Variants in STK33 observed in about 807,000 individuals in gnomAD.
The protein encoded by STK33 is serine/threonine-protein kinase 33.
A neutral mutation model predicts 58.0 loss-of-function variants in STK33; 52 were observed. That is an observed-to-expected ratio of 0.90 (90% CI 0.72 to 1.13). The LOEUF is 1.13. Ranked by LOEUF, STK33 falls within the 50% of genes most tolerant of loss-of-function variation. STK33 has a pLI of 0.00. For missense variants in STK33, 630 were observed against 604.2 expected, an observed-to-expected ratio of 1.04 and a Z score of -0.45; for synonymous variants, 215 against 200.1, an observed-to-expected ratio of 1.07 and a Z score of -0.63.
chr11:8,423,922 T>C (rs1407774283), intron 14 of STK33, among the ~76,000 whole-genome samples: 1 of 152,072 alleles, frequency 6.6e-6, no homozygotes, highest in African/African-American at 2.4e-5. Flanking sequence ...CTTTTTGAGT[T>C]GAATCTTTAA....
chr11:8,553,473 T>C (rs544688485), intron 1 of STK33, among the ~76,000 whole-genome samples: 2 of 151,840 alleles, frequency 1.3e-5, no homozygotes, highest in African/African-American at 4.8e-5. Flanking sequence ...ATTCTTTAGC[T>C]CCATTATAAT....
intron 1 of STK33, among the ~76,000 whole-genome samples, chr11:8,540,456 T>A (rs1348180854): frequency 3.3e-5 from 5 of 152,018 alleles, no homozygotes; most frequent in African/African-American, 1.2e-4. Context: ...CTAGCCTGGG[T>A]GACAGAGCAA....
intron 1 of STK33, among the ~76,000 whole-genome samples, chr11:8,536,950 T>TTA (rs1170465878): frequency 6.9e-5 from 6 of 86,922 alleles, no homozygotes; most frequent in South Asian, 4.0e-4. Flanking sequence ...CCCAGCTAAT[T>TTA]AAAAAAAAAA....
intron 1 of STK33, among the ~76,000 whole-genome samples, chr11:8,531,478 T>C (rs1954544259): frequency 6.6e-6 from 1 of 152,194 alleles, no homozygotes; most frequent in Non-Finnish European, 1.5e-5. Context: ...GACAGCTGGG[T>C]TGGAGCTCTG....
intron 1 of STK33, chr11:8,554,924 T>G (rs1956626590): frequency 6.6e-6 from 1 of 152,150 alleles, no homozygotes; most frequent in Non-Finnish European, 1.5e-5. Flanking sequence ...TATTCAGCCT[T>G]TTTTAGAAGG....
At chr11:8,406,096 T>C (rs1292539647) in intron 15 of STK33, among the ~76,000 whole-genome samples, 3 of 136,952 alleles carry the variant, frequency 2.2e-5, no homozygotes, top group Non-Finnish European at 4.6e-5. Context: ...TGAGCCGAGA[T>C]CGCGCCACCG....
At chr11:8,482,956 C>G (rs376507073) in intron 1 of STK33, among the ~76,000 whole-genome samples, 1 of 152,164 alleles carries the variant, frequency 6.6e-6, no homozygotes, top group East Asian at 1.9e-4. Context: ...TGGTTTCGAT[C>G]TCCTGACCTC....
Position 8,392,727 on chromosome 11 carries a change from T to C in STK33, c.1345-17A>G, listed in dbSNP as rs1292075325. On this transcript the variant is annotated splice_polypyrimidine_tract_variant and intron_variant, in intron 15 of 15. Transcript: ENST00000687296. ...AGCAGTAGACTGCAAATAAAAGGTC[T>C]TGATTAATTTTCAGACACAAAGCAA... 5 of 1,612,996 alleles carry C rather than the reference T, an allele frequency of 3.1e-6. No homozygotes were observed. The South Asian group carries it at 4.4e-5, about 14-fold the overall frequency.
At chr11:8,585,592 A>G (rs1272992099) in intron 1 of STK33, among the ~76,000 whole-genome samples, 3 of 151,340 alleles carry the variant, frequency 2.0e-5, no homozygotes, top group African/African-American at 7.3e-5. Flanking sequence ...TTAACTACAA[A>G]TTGTGTTTCT....
Position 8,413,660 on chromosome 11 carries a change from A to T in STK33, c.1179T>A (p.Asn393Lys). 1 of 1,613,854 alleles carries T rather than the reference A, an allele frequency of 6.2e-7. No individual in the cohort carries two copies. Among genetic ancestry groups the T allele is most frequent in the Non-Finnish European group, 8.5e-7 (1 of 1,179,910 alleles). Reference protein sequence around the residue: ...GNKLSSVRPTNVLEMMKEWKN... With the variant: ...GNKLSSVRPTKVLEMMKEWKN... The stretch of plus-strand genomic sequence containing the variant: ...TCCATTCCTTCATCATCTCTAATAC[A>T]TTGGTTGGTCTCACCGAAGAAAGTT... The change falls in exon 15 of 16, where the codon AAT (asparagine) becomes AAA (lysine). Residue 393 changes from asparagine to lysine, a missense_variant. Coordinates refer to ENST00000687296, the MANE Select transcript of STK33 (RefSeq NM_001352389.2).
the STK33 span, among the ~76,000 whole-genome samples, chr11:8,377,437 C>A: frequency 6.6e-6 from 1 of 152,126 alleles, no homozygotes; most frequent in African/African-American, 2.4e-5. Flanking sequence ...ATGATAAAAA[C>A]TCTCAACAAA....
intron 11 of STK33, among the ~76,000 whole-genome samples, chr11:8,451,774 T>C (rs1002363233): frequency 2.0e-5 from 3 of 152,222 alleles, no homozygotes; most frequent in African/African-American, 7.2e-5. Flanking sequence ...AAATATCTTT[T>C]ATGGTATTTA....
In STK33 at chr11:8,396,197, G is replaced by A. The variant is rs180813455; in HGVS notation, c.1345-3487C>T. On this transcript the variant is annotated intron_variant, in intron 15 of 15. Coordinates refer to ENST00000687296, the MANE Select transcript of STK33 (RefSeq NM_001352389.2). ...AGGCTCACTGCAACCTCCGCCTCCC[G>A]GGTTCAAGTGATTCTCCTACCTCAG... Among the ~76,000 whole-genome samples the A allele has an allele frequency of 1.6e-4, 25 of 152,190 alleles. No homozygotes were observed. In the East Asian group the frequency reaches 2.5e-3, roughly 15 times the overall value.
intron 15 of STK33, among the ~76,000 whole-genome samples, chr11:8,409,811 C>T (rs1939903449): frequency 6.6e-6 from 1 of 151,750 alleles, no homozygotes; most frequent in African/African-American, 2.4e-5. Flanking sequence ...AAGTACTTAC[C>T]ACGTGACAAG....
intron 6 of STK33, among the ~76,000 whole-genome samples, chr11:8,470,580 C>T (rs7949017): frequency 0.45 from 68,269 of 152,086 alleles, 15,712 homozygotes; most frequent in Non-Finnish European, 0.5. Context: ...AGCTTTCAGC[C>T]TATCTTGGCT....
At chr11:8,506,756 A>G (rs563259809) in intron 1 of STK33, among the ~76,000 whole-genome samples, 40 of 152,220 alleles carry the variant, frequency 2.6e-4, no homozygotes, top group African/African-American at 8.2e-4. Flanking sequence ...GCCTACCACA[A>G]GCTCCTTTAT....
intron 6 of STK33, among the ~76,000 whole-genome samples, chr11:8,471,874 A>G (rs1591337387): frequency 6.6e-6 from 1 of 152,156 alleles, no homozygotes; most frequent in East Asian, 1.9e-4. Flanking sequence ...AATTTTTCAC[A>G]ATGAACATAT....
chr11:8,499,040 A>C lies in STK33; in HGVS notation c.-465-18426T>G, dbSNP rs184835218. ...GGCACGGGCAAAGAATTCATGACTA[A>C]AACACCAAAAGCAATGGCAACAAAA... On this transcript the variant is annotated intron_variant, in intron 1 of 15. Coordinates refer to ENST00000687296, the MANE Select transcript of STK33 (RefSeq NM_001352389.2). Among the ~76,000 whole-genome samples the C allele has an allele frequency of 2.6e-4, 39 of 152,374 alleles. No individual in the cohort carries two copies. In the East Asian group the frequency reaches 7.5e-3, roughly 29 times the overall value.
the STK33 span, among the ~76,000 whole-genome samples, chr11:8,341,606 G>A: frequency 2.6e-5 from 4 of 152,190 alleles, no homozygotes; most frequent in Non-Finnish European, 4.4e-5. Flanking sequence ...CTGGAAAAAC[G>A]GGGCATTTAG....
Sources: allele counts gnomAD v4.1 joint callset (sites outside exome capture counted in the v4.1 genomes callset), GRCh38; gene constraint gnomAD v4.1.1; transcripts MANE v1.5; gene names NCBI Gene and HGNC (gene_info 2026-07-23, HGNC 2026-07-21).